Variants in MACF1 observed in about 807,000 individuals in gnomAD.
MACF1 encodes microtubule actin crosslinking factor 1, also known as microtubule-actin cross-linking factor 1.
Under a neutral mutation model 854.8 loss-of-function variants are expected in MACF1, and 193 were observed. The ratio of observed to expected loss-of-function variants is 0.23; its 90% CI spans 0.20 to 0.25. MACF1 has a LOEUF of 0.25. MACF1 is among the 10% of genes least tolerant of loss of function. The probability of loss-of-function intolerance (pLI) is 1.00; values close to 1 mark genes in which losing one functional copy is unlikely to be tolerated. For missense variants in MACF1, 7,722 were observed against 8,929.1 expected, an observed-to-expected ratio of 0.86 and a Z score of 5.45; for synonymous variants, 3,185 against 3,226.7, an observed-to-expected ratio of 0.99 and a Z score of 0.44.
At chr1:39,397,648 G>A (rs1196917167) in intron 58 of MACF1, among the ~76,000 whole-genome samples, 1 of 152,022 alleles carries the variant, frequency 6.6e-6, no homozygotes, top group Non-Finnish European at 1.5e-5. Context: ...CCTACAGTTA[G>A]GCAAAATCAT....
intron 4 of MACF1, 101 bp downstream of exon 4, chr1:39,252,042 A>G: frequency 9.0e-6 from 6 of 663,602 alleles, no homozygotes; most frequent in South Asian, 5.8e-5. Context: ...TTCAGTTACT[A>G]TTTGCCACCT....
chr1:39,381,659 C>T (rs1392820981), intron 55 of MACF1, among the ~76,000 whole-genome samples: 1 of 151,894 alleles, frequency 6.6e-6, no homozygotes, highest in Non-Finnish European at 1.5e-5. Flanking sequence ...AGGGAGATCC[C>T]GTCTCTACAA....
chr1:39,441,808 CT>C (rs1214292969), intron 74 of MACF1, 143 bp from the exon 75 acceptor site: 4 of 650,054 alleles, frequency 6.2e-6, no homozygotes, highest in Non-Finnish European at 8.1e-6. Context: ...GATCATTATT[CT>C]TTATCTGTGC....
At chr1:39,453,373 C>T (rs183837783) in intron 87 of MACF1, among the ~76,000 whole-genome samples, 17 of 151,964 alleles carry the variant, frequency 1.1e-4, no homozygotes. Context: ...AATATGTTTA[C>T]CAACATGAAA....
intron 69 of MACF1, 43 bp downstream of exon 69, chr1:39,434,675 C>A: frequency 6.4e-7 from 1 of 1,553,976 alleles, no homozygotes; most frequent in Non-Finnish European, 8.8e-7. Context: ...CTAAAATGGT[C>A]TCTATAATTT....
At chr1:39,296,804 A>AAG (rs1317462965) in intron 20 of MACF1, among the ~76,000 whole-genome samples, 3 of 116,214 alleles carry the variant, frequency 2.6e-5, no homozygotes, top group African/African-American at 4.8e-5. Flanking sequence ...AAGGAAGGAA[A>AAG]AGAAAGAAAG....
Position 39,387,995 on chromosome 1 carries a change from G to C in MACF1, c.15153G>C (p.Lys5051Asn), listed in dbSNP as rs1641867382. Reference sequence around the variant, plus strand: ...CCTGTAGCAACAAGAACCTGGAGAAGCTAAGAGCTCAACAGGAAGTGCTGC... The same window carrying C: ...CCTGTAGCAACAAGAACCTGGAGAACCTAAGAGCTCAACAGGAAGTGCTGC... Reference protein sequence around the residue: ...SQACSNKNLEKLRAQQEVLQA... With the variant: ...SQACSNKNLENLRAQQEVLQA... The change falls in exon 58 of 101, where the codon AAG (lysine) becomes AAC (asparagine). Residue 5051 changes from lysine (K) to asparagine (N), a missense_variant. By Grantham distance (94) the Lys-to-Asn change is moderately conservative. Coordinates refer to ENST00000564288, the MANE Select transcript of MACF1 (RefSeq NM_001394062.1). 2 of 1,614,138 alleles carry C rather than the reference G, an allele frequency of 1.2e-6. No individual in the cohort carries two copies. Among genetic ancestry groups the C allele is most frequent in the Non-Finnish European group, 1.7e-6 (2 of 1,180,036 alleles).
chr1:39,264,537 C>T (rs576400183), intron 6 of MACF1, among the ~76,000 whole-genome samples: 4 of 152,180 alleles, frequency 2.6e-5, no homozygotes, highest in African/African-American at 9.6e-5. Flanking sequence ...CTTCTCAAAG[C>T]TTTGGAGTAG....
intron 2 of MACF1, among the ~76,000 whole-genome samples, chr1:39,243,506 A>C (rs910182629): frequency 1.3e-5 from 2 of 151,960 alleles, no homozygotes; most frequent in Non-Finnish European, 2.9e-5. Context: ...GGCTCAAGCA[A>C]CCCTCCCACC....
chr1:39,412,954 A>C, intron 58 of MACF1: 1 of 1,596,466 alleles, frequency 6.3e-7, no homozygotes, highest in Middle Eastern at 1.7e-4. Flanking sequence ...GGAGGATGTC[A>C]CAGCTGCTGC....
chr1:39,199,548 A>G (rs1644364127), intron 2 of MACF1, among the ~76,000 whole-genome samples: 1 of 152,112 alleles, frequency 6.6e-6, no homozygotes, highest in South Asian at 2.1e-4. Flanking sequence ...TGGCAAAATA[A>G]CTTGAATTTC....
At chr1:39,431,091 T>C (rs1208609471) in intron 66 of MACF1, among the ~76,000 whole-genome samples, 183 bp downstream of exon 66, 5 of 152,142 alleles carry the variant, frequency 3.3e-5, no homozygotes, top group Admixed American at 3.3e-4. Context: ...GATCCAGAAT[T>C]TGACCAAAAT....
rs1028430533 is a variant in MACF1, at chr1:39,479,870, C to T, written c.22031C>T (p.Pro7344Leu). ...LPEGASQGMT[P>L]FRSRGRRSKP... is the part of the protein sequence containing the mutation. ...GAGGGAGCATCCCAGGGAATGACCCCCTTCCGCTCACGGGGTCGAAGGTCC... is the reference window on the plus strand; with the variant it reads ...GAGGGAGCATCCCAGGGAATGACCCTCTTCCGCTCACGGGGTCGAAGGTCC... The change falls in exon 98 of 101, where the codon CCC becomes CTC. Residue 7344 changes from proline to leucine, a missense_variant. Pro to Leu is a moderately conservative substitution (Grantham distance 98). This residue lies in a region of MACF1 where 153 missense variants were observed against 342.5 expected (regional missense o/e 0.45). Transcript: ENST00000564288. The T allele has an allele frequency of 6.2e-7, 1 of 1,614,244 alleles. No homozygotes were observed. Among genetic ancestry groups the T allele is most frequent in the Non-Finnish European group, 8.5e-7 (1 of 1,180,050 alleles).
intron 58 of MACF1, chr1:39,410,717 C>T (rs1642955001): frequency 6.2e-7 from 1 of 1,613,842 alleles, no homozygotes; most frequent in African/African-American, 1.3e-5. Context: ...ATAGAAGCTT[C>T]TCTCAGTGAG....
At position 39,105,773 on chromosome 1, in the gene MACF1, C is replaced by T. The variant is rs1227766915; in HGVS notation, c.220+21335C>T. ...CCGCGGGCCGGCGCAGCGTGGCCTT[C>T]GGAGCCGGTCGGCTCGGCGGCTGCA... On this transcript the variant is annotated intron_variant, in intron 2 of 93. Coordinates refer to the MACF1 transcript ENST00000361689. The surrounding 1 kb of genome is among the most constrained non-coding windows in gnomAD (Gnocchi z 5.9). 19 of 1,039,224 alleles carry T rather than the reference C, an allele frequency of 1.8e-5. No individual in the cohort carries two copies. The highest frequency in any genetic ancestry group is 2.1e-5 in the Non-Finnish European group (18 of 860,762). The allele number at this position is 1,039,224 out of a possible 1,614,324, so 64.4% of individuals were successfully genotyped here. A position where few individuals can be genotyped will look rare whatever the true frequency, so the allele number is the denominator to read the frequency against.
chr1:39,409,807 TAGG>T lies in MACF1; in HGVS notation c.15817-12564_15817-12562del, dbSNP rs1398999867. ...CTGAGGATAAAATGAAAGGAATTCT[TAGG>T]AGCTTGGGCCATACTTGAAGACTAG... On this transcript the variant is annotated intron_variant, in intron 58 of 100. Transcript: ENST00000564288. The surrounding 1 kb of genome is among the most constrained non-coding windows in gnomAD (Gnocchi z 4.2). 1.3e-5 allele frequency: 2 copies of T among 154,896 alleles called. No homozygotes were observed. Among genetic ancestry groups the T allele is most frequent in the Middle Eastern group, 6.7e-3 (2 of 300 alleles). 9.6% of individuals were successfully genotyped at this position (154,896 alleles called of 1,614,324 possible). A position where few individuals can be genotyped will look rare whatever the true frequency, so the allele number is the denominator to read the frequency against.
At position 39,438,805 on chromosome 1, in the gene MACF1, G is replaced by A. The variant is rs537140632; in HGVS notation, c.18221-469G>A. On this transcript the variant is annotated intron_variant, in intron 71 of 100. Coordinates refer to ENST00000564288, the MANE Select transcript of MACF1 (RefSeq NM_001394062.1). ...TAAAAAAAGAAATAAATAATAGGCC[G>A]GGTGTGGTGGCTCATGCTGATAATC... Among the ~76,000 whole-genome samples, 7 of 148,760 alleles carry A rather than the reference G, an allele frequency of 4.7e-5. No individual in the cohort carries two copies. The South Asian group carries it at 6.4e-4, about 14-fold the overall frequency.
chr1:39,438,651 G>T (rs192164768), intron 71 of MACF1, among the ~76,000 whole-genome samples: 1 of 152,016 alleles, frequency 6.6e-6, no homozygotes, highest in East Asian at 1.9e-4. Flanking sequence ...GGTGGCATGC[G>T]CCTGTAATCC....
intron 44 of MACF1, among the ~76,000 whole-genome samples, chr1:39,355,952 G>A (rs528647558): frequency 6.6e-6 from 1 of 152,252 alleles, no homozygotes; most frequent in African/African-American, 2.4e-5. Flanking sequence ...TCCTGCATCA[G>A]CCTCCTAGTC....
Sources: gnomAD v4.1 joint callset for allele counts (sites outside exome capture counted in the v4.1 genomes callset) on GRCh38, gnomAD v4.1.1 for gene constraint, gnomAD v4.1.1 regional missense constraint, Gnocchi (gnomAD v3.1) non-coding constraint, MANE v1.5 for transcripts, NCBI Gene and HGNC (gene_info 2026-07-23, HGNC 2026-07-21) for gene names.